The following KCNQ5 variants were observed in gnomAD, a reference collection of about 807,000 sequenced individuals.
The protein encoded by KCNQ5 is potassium voltage-gated channel subfamily KQT member 5.
KCNQ5 carries 30 observed loss-of-function variants against 98.2 expected under a neutral mutation model. The ratio of observed to expected loss-of-function variants is 0.31; its 90% CI spans 0.23 to 0.41. The LOEUF (loss-of-function observed/expected upper bound fraction) is 0.41. Ranked by LOEUF, KCNQ5 falls within the 10% of genes least tolerant of loss-of-function variation. KCNQ5 has a pLI of 1.00. For synonymous variants in KCNQ5, 458 were observed against 449.4 expected, an observed-to-expected ratio of 1.02 and a Z score of -0.24; for missense variants, 835 against 1,182.5, an observed-to-expected ratio of 0.71 and a Z score of 4.31.
chr6:73,133,688 T>A, intron 10 of KCNQ5, 47 bp downstream of exon 10: 2 of 1,491,298 alleles, frequency 1.3e-6, no homozygotes, highest in Non-Finnish European at 1.9e-6. Context: ...TAGGCTATAG[T>A]GAGTGAGATT....
intron 2 of KCNQ5, among the ~76,000 whole-genome samples, chr6:73,035,529 G>A (rs189904720): frequency 3.9e-4 from 60 of 152,292 alleles, no homozygotes; most frequent in African/African-American, 1.4e-3. Context: ...AGCAGCAAAG[G>A]CACCAGAACT....
At position 72,835,770 on chromosome 6, in the gene KCNQ5, A is replaced by G. The variant is rs559699096; in HGVS notation, c.399-168138A>G. On this transcript the variant is annotated intron_variant, in intron 1 of 13. Coordinates refer to ENST00000370398, the MANE Select transcript of KCNQ5 (RefSeq NM_019842.4). ...TGGCACATTTCTGTTTCAAATCCATATACCTCCCAAGCTCTTTAACCATTA... is the reference window on the plus strand; with the variant it reads ...TGGCACATTTCTGTTTCAAATCCATGTACCTCCCAAGCTCTTTAACCATTA... 5.3e-5 allele frequency among the ~76,000 whole-genome samples: 8 copies of G among 152,292 alleles called. No homozygotes were observed. The South Asian group carries it at 1.7e-3, about 32-fold the overall frequency.
chr6:72,822,178 A>C (rs1262297396), intron 1 of KCNQ5, among the ~76,000 whole-genome samples: 1 of 152,082 alleles, frequency 6.6e-6, no homozygotes, highest in African/African-American at 2.4e-5. Context: ...GAGACTATCA[A>C]ATCCCTGAAA....
intron 10 of KCNQ5, among the ~76,000 whole-genome samples, chr6:73,136,351 A>T (rs1776470653): frequency 1.3e-5 from 2 of 152,182 alleles, no homozygotes; most frequent in Non-Finnish European, 2.9e-5. Flanking sequence ...GAGGAAAAGA[A>T]TTTTTCACAG....
intron 11 of KCNQ5, among the ~76,000 whole-genome samples, chr6:73,172,759 T>C (rs1778057189): frequency 6.6e-6 from 1 of 152,190 alleles, no homozygotes; most frequent in Non-Finnish European, 1.5e-5. Flanking sequence ...TTTCTTGTTA[T>C]TTTTTAATTG....
In KCNQ5 at chr6:73,197,972, A is replaced by T. The variant is rs1431483811; in HGVS notation, c.*2558A>T. On this transcript the variant is annotated 3_prime_UTR_variant, in exon 14 of 14. Coordinates refer to ENST00000370398, the MANE Select transcript of KCNQ5 (RefSeq NM_019842.4). ...AAAACTTTTATACATTGAAGCCATG[A>T]CCATTTTGTGTCTATCTTACTCTAG... 1 of 152,172 alleles carries T rather than the reference A, an allele frequency of 6.6e-6. No homozygotes were observed. Among genetic ancestry groups the T allele is most frequent in the East Asian group, 1.9e-4 (1 of 5,198 alleles). The allele number at this position is 152,172 out of a possible 1,614,324, so 9.4% of individuals were successfully genotyped here. A position where few individuals can be genotyped will look rare whatever the true frequency, so the allele number is the denominator to read the frequency against.
intron 1 of KCNQ5, among the ~76,000 whole-genome samples, chr6:72,955,874 A>AGCACAACT (rs1442326302): frequency 6.6e-6 from 1 of 152,106 alleles, no homozygotes; most frequent in East Asian, 1.9e-4. Context: ...GAGCTGAGAT[A>AGCACAACT]GCACAACTGC....
At chr6:72,634,979 C>T (rs1235984802) in intron 1 of KCNQ5, among the ~76,000 whole-genome samples, 3 of 151,712 alleles carry the variant, frequency 2.0e-5, no homozygotes, top group African/African-American at 2.4e-5. Context: ...TCTACTAGTT[C>T]GTATTGCGTA....
chr6:73,147,800 G>A (rs1426454443), intron 10 of KCNQ5, among the ~76,000 whole-genome samples: 1 of 152,130 alleles, frequency 6.6e-6, no homozygotes, highest in East Asian at 1.9e-4. Context: ...ACACACAAAT[G>A]AGAGGCATCA....
At chr6:72,691,492 A>G (rs1768211731) in intron 1 of KCNQ5, among the ~76,000 whole-genome samples, 1 of 152,204 alleles carries the variant, frequency 6.6e-6, no homozygotes, top group Non-Finnish European at 1.5e-5. Context: ...GCTAAGGGCA[A>G]CTGGTACTGA....
At chr6:73,169,197 A>G (rs911548451) in intron 10 of KCNQ5, among the ~76,000 whole-genome samples, 7 of 66,466 alleles carry the variant, frequency 1.1e-4, no homozygotes, top group African/African-American at 7.9e-4. Context: ...CAGTCTGAAA[A>G]TCGCCCTCAG....
chr6:72,806,336 C>G (rs1396116658), intron 1 of KCNQ5, among the ~76,000 whole-genome samples: 2 of 152,080 alleles, frequency 1.3e-5, no homozygotes, highest in East Asian at 1.9e-4. Context: ...GACAAAAGCT[C>G]TACCCAATGA....
chr6:72,927,558 T>C (rs897103081), intron 1 of KCNQ5, among the ~76,000 whole-genome samples: 3 of 151,918 alleles, frequency 2.0e-5, no homozygotes, highest in African/African-American at 2.4e-5. Flanking sequence ...CACAACAGAA[T>C]CACATCAATC....
chr6:72,715,652 T>C (rs1161180472), intron 1 of KCNQ5, among the ~76,000 whole-genome samples: 1 of 152,170 alleles, frequency 6.6e-6, no homozygotes, highest in Admixed American at 6.6e-5. Context: ...CCTAGAAATA[T>C]GGATGCCTCT....
chr6:72,633,626 A>C (rs2098922331), intron 1 of KCNQ5, among the ~76,000 whole-genome samples: 1 of 152,236 alleles, frequency 6.6e-6, no homozygotes, highest in Admixed American at 6.5e-5. Flanking sequence ...AGGCATCACT[A>C]TCTGACTTCA....
At chr6:72,708,399 A>T (rs951595469) in intron 1 of KCNQ5, among the ~76,000 whole-genome samples, 4 of 152,196 alleles carry the variant, frequency 2.6e-5, no homozygotes, top group Non-Finnish European at 5.9e-5. Context: ...TATGGAAAAA[A>T]TTTTGAAGTA....
intron 9 of KCNQ5, among the ~76,000 whole-genome samples, chr6:73,130,163 T>C (rs1322338324): frequency 6.6e-6 from 1 of 152,246 alleles, no homozygotes; most frequent in East Asian, 1.9e-4. Flanking sequence ...TGCCATATTG[T>C]GCCTGAGGCG....
At chr6:72,747,760 G>A (rs1771477461) in intron 1 of KCNQ5, among the ~76,000 whole-genome samples, 1 of 152,056 alleles carries the variant, frequency 6.6e-6, no homozygotes, top group Non-Finnish European at 1.5e-5. Context: ...TTCTTATACT[G>A]TATTTTTATA....
rs1441978100 is a variant in KCNQ5 at position 73,048,768 on chromosome 6, A to G, written c.616+6706A>G. Among the ~76,000 whole-genome samples, 6 of 152,202 alleles carry G rather than the reference A, an allele frequency of 3.9e-5. No individual in the cohort carries two copies. In the East Asian group the frequency reaches 9.6e-4, roughly 24 times the overall value. The stretch of plus-strand genomic sequence containing the variant: ...TGCCCTTAGAAACATGAAATTTTAC[A>G]TTGTTTTTTAAAATGTTATTTTTCT... On this transcript the variant is annotated intron_variant, in intron 3 of 13. Coordinates refer to ENST00000370398, the MANE Select transcript of KCNQ5 (RefSeq NM_019842.4).
Sources: gnomAD v4.1 joint callset for allele counts (sites outside exome capture counted in the v4.1 genomes callset) on GRCh38, gnomAD v4.1.1 for gene constraint, MANE v1.5 for transcripts, NCBI Gene and HGNC (gene_info 2026-07-23, HGNC 2026-07-21) for gene names.